AGBL3: variants seen among roughly 807,000 people sequenced by gnomAD.
AGBL3 encodes the protein cytosolic carboxypeptidase 3.
AGBL3 carries 68 observed loss-of-function variants against 94.5 expected under a neutral mutation model. That is an observed-to-expected ratio of 0.72 (90% CI 0.59 to 0.88). The LOEUF (loss-of-function observed/expected upper bound fraction) is 0.88. Among genes scored for constraint, AGBL3 ranks in the 40% least tolerant of loss-of-function variants. AGBL3 has a pLI of 0.00. For missense variants in AGBL3, 934 were observed against 1,103.8 expected (o/e 0.85, Z 2.18); for synonymous variants, 354 against 370.7 (o/e 0.95, Z 0.52).
chr7:135,121,813 AC>A (rs898451686), intron 16 of AGBL3, among the ~76,000 whole-genome samples: 9 of 151,802 alleles, frequency 5.9e-5, no homozygotes, highest in African/African-American at 1.9e-4. Flanking sequence ...GCAGGAGAGC[AC>A]CCCCCTATAT....
At chr7:134,990,474 A>G (rs1192821626) in intron 3 of AGBL3, among the ~76,000 whole-genome samples, 4 of 152,236 alleles carry the variant, frequency 2.6e-5, no homozygotes, top group Non-Finnish European at 5.9e-5. Flanking sequence ...GAATAGATCA[A>G]AATTTCTCCA....
At chr7:135,111,240 T>A (rs1162975913) in intron 15 of AGBL3, among the ~76,000 whole-genome samples, 1 of 152,188 alleles carries the variant, frequency 6.6e-6, no homozygotes, top group Non-Finnish European at 1.5e-5. Flanking sequence ...CCCATGTCCA[T>A]CAATTTCCTT....
rs138761583 is a variant in AGBL3 at position 135,000,810 on chromosome 7, G to A, written c.310+7132G>A. On this transcript the variant is annotated intron_variant, in intron 4 of 16. Coordinates refer to ENST00000436302, the MANE Select transcript of AGBL3 (RefSeq NM_178563.4). The stretch of plus-strand genomic sequence containing the variant: ...GGTCCAAATTCCGGCAGTCACTGCT[G>A]GATGGTGCTCACAGGCTTTTTCCAT... 2.3e-3 allele frequency among the ~76,000 whole-genome samples: 344 copies of A among 152,252 alleles called. 1 individual carries two copies. Among genetic ancestry groups the A allele is most frequent in the African/African-American group, 7.6e-3 (315 of 41,534 alleles).
chr7:135,098,616 G>A (rs940000897), intron 15 of AGBL3, among the ~76,000 whole-genome samples: 1 of 152,176 alleles, frequency 6.6e-6, no homozygotes, highest in South Asian at 2.1e-4. Context: ...ACCAGGAGCA[G>A]TGTAATGTGG....
chr7:135,129,557 T>C (rs1250518662), intron 16 of AGBL3: 21 of 772,740 alleles, frequency 2.7e-5, no homozygotes, highest in Non-Finnish European at 2.4e-6. Flanking sequence ...AATATTTCTG[T>C]TGGATTTGCA....
intron 4 of AGBL3, among the ~76,000 whole-genome samples, chr7:135,014,971 T>C (rs1011406352): frequency 1.3e-5 from 2 of 152,220 alleles, no homozygotes; most frequent in African/African-American, 4.8e-5. Flanking sequence ...GGGACAATGA[T>C]AGCCAACACT....
intron 4 of AGBL3, among the ~76,000 whole-genome samples, chr7:135,007,153 C>A (rs12707195): frequency 0.44 from 66,602 of 151,558 alleles, 15,321 homozygotes; most frequent in East Asian, 0.78. Flanking sequence ...AAAACTCTTC[C>A]AATAATAGAA....
intron 5 of AGBL3, among the ~76,000 whole-genome samples, chr7:135,021,657 G>A (rs1435108948): frequency 1.7e-5 from 1 of 59,400 alleles, no homozygotes; most frequent in Non-Finnish European, 3.7e-5. Flanking sequence ...ATATCATTGG[G>A]ATTTGCTTTT....
intron 8 of AGBL3, among the ~76,000 whole-genome samples, chr7:135,042,066 T>C (rs1229857460): frequency 5.9e-5 from 9 of 152,194 alleles, no homozygotes; most frequent in Admixed American, 4.6e-4. Flanking sequence ...TCTCATACTA[T>C]ACATTTTTGT....
intron 4 of AGBL3, among the ~76,000 whole-genome samples, chr7:135,015,512 A>G (rs190904564): frequency 1.5e-4 from 23 of 152,296 alleles, no homozygotes; most frequent in African/African-American, 5.5e-4. Context: ...GAAGTGGGTT[A>G]CATCTGATTC....
intron 9 of AGBL3, among the ~76,000 whole-genome samples, chr7:135,044,531 C>A (rs58716552): frequency 0.012 from 1,825 of 152,018 alleles, 39 homozygotes; most frequent in African/African-American, 0.042. Flanking sequence ...GCACTTGGTT[C>A]CCTGAACAAA....
intron 8 of AGBL3, among the ~76,000 whole-genome samples, chr7:135,039,670 GGTT>G (rs1288479212): frequency 7.9e-5 from 12 of 152,152 alleles, no homozygotes; most frequent in South Asian, 6.2e-4. Context: ...AGGAAGCAGA[GGTT>G]GCAGGGAGCC....
Position 134,988,968 on chromosome 7 carries a change from G to A in AGBL3, c.64-282G>A, listed in dbSNP as rs2732903. Among the ~76,000 whole-genome samples the A allele has an allele frequency of 0.07, 10,704 of 152,108 alleles. 1,207 individuals are homozygous for A. The highest frequency in any genetic ancestry group is 0.24 in the African/African-American group (9,965 of 41,444). On this transcript the variant is annotated intron_variant, in intron 2 of 16. Coordinates refer to ENST00000436302, the MANE Select transcript of AGBL3 (RefSeq NM_178563.4). ...TATTCTTAATTTAAATAGTTTTCCC[G>A]GGTTTATCAAGAATCTTTAAACTTT...
chr7:135,077,990 C>G (rs1229158044), intron 13 of AGBL3, among the ~76,000 whole-genome samples: 13 of 152,160 alleles, frequency 8.5e-5, no homozygotes, highest in Admixed American at 3.9e-4. Context: ...CCTCTCCTGC[C>G]CACTGATGCC....
chr7:135,035,609 T>C (rs1170418113), intron 7 of AGBL3, among the ~76,000 whole-genome samples: 1 of 152,124 alleles, frequency 6.6e-6, no homozygotes, highest in Non-Finnish European at 1.5e-5. Flanking sequence ...TACCTATGAG[T>C]AAAATCTTAT....
intron 12 of AGBL3, among the ~76,000 whole-genome samples, chr7:135,066,200 T>C (rs1035086053): frequency 6.6e-6 from 1 of 152,174 alleles, no homozygotes; most frequent in South Asian, 2.1e-4. Context: ...ACCTATGGAA[T>C]AGAAGAAAAT....
intron 15 of AGBL3, among the ~76,000 whole-genome samples, chr7:135,111,961 T>C (rs541485299): frequency 1.3e-5 from 2 of 152,162 alleles, no homozygotes; most frequent in East Asian, 2.0e-4. Flanking sequence ...TTCTATTCAA[T>C]GTGTCCACTT....
chr7:135,117,504 C>A (rs897490531), intron 16 of AGBL3, among the ~76,000 whole-genome samples: 6 of 152,194 alleles, frequency 3.9e-5, no homozygotes, highest in African/African-American at 1.4e-4. Flanking sequence ...AAAGTGTGAT[C>A]TTCTCATTCT....
chr7:135,134,991 A>G lies in AGBL3; in HGVS notation c.2493A>G (p.Ser831=). ...SKPHRSLESL[S]PLKGPKKNKH... The stretch of plus-strand genomic sequence containing the variant: ...CCCACAGGTCATTGGAAAGTTTATC[A>G]CCTCTCAAAGGCCCCAAGAAGAATA... Residue 831 remains serine (S), a synonymous_variant, in exon 17 of 17, where the codon TCA becomes TCG. Transcript: ENST00000436302. 1 of 1,551,176 alleles carries G rather than the reference A, an allele frequency of 6.4e-7. No individual in the cohort carries two copies. The highest frequency in any genetic ancestry group is 8.7e-7 in the Non-Finnish European group (1 of 1,146,666).
Sources: gnomAD v4.1 joint callset for allele counts (sites outside exome capture counted in the v4.1 genomes callset) on GRCh38, gnomAD v4.1.1 for gene constraint, MANE v1.5 for transcripts, NCBI Gene and HGNC (gene_info 2026-07-23, HGNC 2026-07-21) for gene names.